The following KIAA0586 variants were observed in gnomAD, a reference collection of about 807,000 sequenced individuals.
The protein encoded by KIAA0586 is protein TALPID3.
A neutral mutation model predicts 169.8 loss-of-function variants in KIAA0586; 144 were observed. The observed-to-expected ratio is 0.85, with a 90% CI of 0.74 to 0.97. The LOEUF is 0.97. KIAA0586 is among the 50% of genes least tolerant of loss of function. The probability of loss-of-function intolerance (pLI) is 0.00; values close to 1 mark genes in which losing one functional copy is unlikely to be tolerated. For synonymous variants in KIAA0586, 625 were observed against 612.4 expected (o/e 1.02, Z -0.30); for missense variants, 1,854 against 1,823.0 (o/e 1.02, Z -0.31).
intron 27 of KIAA0586, 26 bp downstream of exon 27, chr14:58,498,986 A>T: frequency 3.2e-6 from 5 of 1,558,856 alleles, no homozygotes; most frequent in Non-Finnish European, 4.4e-6. Flanking sequence ...TTTTTTCTTG[A>T]TGTGTCATAG....
At position 58,453,474 on chromosome 14, in the gene KIAA0586, G is replaced by GT; in HGVS notation, c.1253+2dup. ...GATGGACTCCTGAGAAAACAAACAG[G>GT]TAAAAACAAGAGATTGGAATGAAAA... On this transcript the variant is annotated splice_donor_variant, in intron 9 of 30. Transcript: ENST00000652326. LOFTEE classifies it high-confidence loss of function. 1 of 1,493,980 alleles carries GT rather than the reference G, an allele frequency of 6.7e-7. No homozygotes were observed. Among genetic ancestry groups the GT allele is most frequent in the Non-Finnish European group, 8.9e-7 (1 of 1,126,828 alleles). 92.5% of individuals were successfully genotyped at this position (1,493,980 alleles called of 1,614,324 possible).
chr14:58,519,189 G>C (rs1338758701), intron 29 of KIAA0586, among the ~76,000 whole-genome samples: 1 of 152,152 alleles, frequency 6.6e-6, no homozygotes, highest in East Asian at 1.9e-4. Flanking sequence ...GGTTTGCTAG[G>C]TGTGTTCTAT....
At chr14:58,431,659 G>A (rs1464480671) in intron 3 of KIAA0586, among the ~76,000 whole-genome samples, 1 of 152,188 alleles carries the variant, frequency 6.6e-6, no homozygotes, top group Admixed American at 6.5e-5. Context: ...ATGGCTTTGG[G>A]CAGTATGGTC....
chr14:58,559,448 G>A, the KIAA0586 span, among the ~76,000 whole-genome samples: 53,658 of 151,898 alleles, frequency 0.35, 9,863 homozygotes, highest in African/African-American at 0.46. Context: ...CAAAGTGTAA[G>A]TATTCTCAGT....
intron 29 of KIAA0586, chr14:58,539,834 T>G: frequency 4.0e-5 from 12 of 300,074 alleles, no homozygotes; most frequent in Non-Finnish European, 6.7e-5. Flanking sequence ...CCCCCCCCCA[T>G]CTGTGATGCA....
chr14:58,530,571 G>C (rs2045893869), intron 29 of KIAA0586, among the ~76,000 whole-genome samples: 2 of 152,284 alleles, frequency 1.3e-5, no homozygotes, highest in South Asian at 4.2e-4. Context: ...TGACAGACCT[G>C]ACAGAAACAA....
chr14:58,442,860 A>G lies in KIAA0586; in HGVS notation c.565A>G (p.Thr189Ala), dbSNP rs2038518930. The G allele has an allele frequency of 6.2e-7, 1 of 1,607,842 alleles. No individual in the cohort carries two copies. The highest frequency in any genetic ancestry group is 1.1e-5 in the South Asian group (1 of 89,618). Residue 189 changes from threonine (T) to alanine (A), a missense_variant, in exon 5 of 31, where the codon ACC (threonine) becomes GCC (alanine). Coordinates refer to ENST00000652326, the MANE Select transcript of KIAA0586 (RefSeq NM_001329943.3). ...TGCAGCAACTGCTGCTGCCATTGCA[A>G]CCGCAGCTCCGTTGATAAAGGTATA... The part of the protein sequence containing the change: ...VAAATAAAIA[T>A]AAPLIKVQSD...
chr14:58,444,580 C>T (rs1359509470), intron 6 of KIAA0586, among the ~76,000 whole-genome samples: 29 of 151,986 alleles, frequency 1.9e-4, no homozygotes, highest in Admixed American at 1.7e-3. Context: ...CACACCACCA[C>T]GCCCAGCTAA....
chr14:58,531,667 G>A (rs1443560963), intron 29 of KIAA0586, among the ~76,000 whole-genome samples: 3 of 152,150 alleles, frequency 2.0e-5, no homozygotes, highest in African/African-American at 7.2e-5. Context: ...ATTTGACCCA[G>A]CAATCCCTTT....
intron 18 of KIAA0586, among the ~76,000 whole-genome samples, chr14:58,474,064 G>A (rs2041426113): frequency 6.6e-6 from 1 of 152,114 alleles, no homozygotes; most frequent in Non-Finnish European, 1.5e-5. Context: ...AAGGGAGGGA[G>A]CAAGAGAGAG....
intron 29 of KIAA0586, among the ~76,000 whole-genome samples, chr14:58,520,196 G>A (rs955696494): frequency 2.3e-4 from 35 of 152,214 alleles, no homozygotes; most frequent in Middle Eastern, 3.4e-3. Flanking sequence ...TTTTTAAATT[G>A]AGATATAATT....
intron 1 of KIAA0586, 114 bp downstream of exon 1, chr14:58,428,577 A>G: frequency 1.3e-6 from 1 of 754,944 alleles, no homozygotes; most frequent in South Asian, 2.1e-5. Flanking sequence ...ATGTTTGAAA[A>G]CTGACCCTGT....
intron 4 of KIAA0586, chr14:58,439,774 A>C (rs1217166497): frequency 1.1e-6 from 1 of 922,674 alleles, no homozygotes; most frequent in Non-Finnish European, 1.3e-6. Context: ...GGAAATATCA[A>C]AGAGGAGTAA....
At chr14:58,541,601 A>G (rs1595544597) in intron 30 of KIAA0586, among the ~76,000 whole-genome samples, 1 of 152,214 alleles carries the variant, frequency 6.6e-6, no homozygotes, top group African/African-American at 2.4e-5. Flanking sequence ...GAATCCTACC[A>G]TTCGTTACAT....
intron 14 of KIAA0586, among the ~76,000 whole-genome samples, chr14:58,461,639 A>G (rs1027453515): frequency 3.4e-4 from 52 of 152,158 alleles, no homozygotes; most frequent in Non-Finnish European, 6.5e-4. Context: ...GTTTCACCAC[A>G]TTGCCCACAG....
intron 4 of KIAA0586, chr14:58,439,732 TGAGAGAA>T (rs2038141489): frequency 1.8e-6 from 1 of 564,110 alleles, no homozygotes; most frequent in Non-Finnish European, 2.2e-6. Context: ...ATTTTGAGAC[TGAGAGAA>T]AAATGTTATT....
At chr14:58,529,390 G>C (rs2045808690) in intron 29 of KIAA0586, among the ~76,000 whole-genome samples, 1 of 152,134 alleles carries the variant, frequency 6.6e-6, no homozygotes, top group Non-Finnish European at 1.5e-5. Flanking sequence ...AAACCTGGCA[G>C]AGACACAACA....
At chr14:58,452,037 C>T (rs1032275738) in intron 8 of KIAA0586, among the ~76,000 whole-genome samples, 2 of 152,198 alleles carry the variant, frequency 1.3e-5, no homozygotes, top group African/African-American at 4.8e-5. Flanking sequence ...ATGTATTAAC[C>T]AAACATCATA....
At chr14:58,467,354 G>A (rs1285672091) in intron 15 of KIAA0586, among the ~76,000 whole-genome samples, 1 of 152,206 alleles carries the variant, frequency 6.6e-6, no homozygotes, top group African/African-American at 2.4e-5. Flanking sequence ...CCCAGGCAGA[G>A]GCAGTCTGGC....
Sources: allele counts gnomAD v4.1 joint callset (sites outside exome capture counted in the v4.1 genomes callset), GRCh38; gene constraint gnomAD v4.1.1; transcripts MANE v1.5; gene names NCBI Gene and HGNC (gene_info 2026-07-23, HGNC 2026-07-21).